Variants in ZC3H12B observed in about 807,000 individuals in gnomAD.
The protein encoded by ZC3H12B is probable ribonuclease ZC3H12B.
In ZC3H12B, 7 loss-of-function variants were observed where a neutral mutation model predicts 43.9. The ratio of observed to expected loss-of-function variants is 0.16; its 90% CI spans 0.09 to 0.30. The LOEUF is 0.30. Among genes scored for constraint, ZC3H12B ranks in the 10% least tolerant of loss-of-function variants. The pLI is 1.00. For synonymous variants in ZC3H12B, 222 were observed against 241.7 expected, an observed-to-expected ratio of 0.92 and a Z score of 0.76; for missense variants, 475 against 670.2, an observed-to-expected ratio of 0.71 and a Z score of 3.22.
At chrX:65,259,086 A>C in the ZC3H12B span, among the ~76,000 whole-genome samples, 1 of 112,299 alleles carries the variant, frequency 8.9e-6, no homozygotes, top group Non-Finnish European at 1.9e-5. Flanking sequence ...TGTGGAACTA[A>C]AACGAAGCTT....
intron 2 of ZC3H12B, among the ~76,000 whole-genome samples, chrX:65,371,188 T>G (rs1437356245): frequency 8.9e-6 from 1 of 112,306 alleles, no homozygotes; most frequent in Non-Finnish European, 1.9e-5. Context: ...TTGTGAATTA[T>G]AATACACATT....
intron 3 of ZC3H12B, chrX:65,470,484 G>A (rs2067895505): frequency 9.0e-6 from 1 of 110,923 alleles, no homozygotes; most frequent in African/African-American, 3.3e-5. Context: ...TGTGTGTGAG[G>A]ATGGGTTCTG....
At chrX:65,069,414 G>T in the ZC3H12B span, among the ~76,000 whole-genome samples, 1 of 109,181 alleles carries the variant, frequency 9.2e-6, no homozygotes, top group Admixed American at 1.0e-4. Flanking sequence ...CTTCGGTTCT[G>T]CTACTGAAGG....
chrX:65,066,241 T>G, the ZC3H12B span, among the ~76,000 whole-genome samples: 2 of 111,659 alleles, frequency 1.8e-5, no homozygotes, highest in Admixed American at 1.9e-4. Context: ...TTGGAATTTT[T>G]AGCATTTTTG....
At chrX:65,292,696 G>A in the ZC3H12B span, among the ~76,000 whole-genome samples, 1 of 110,681 alleles carries the variant, frequency 9.0e-6, no homozygotes, top group Non-Finnish European at 1.9e-5. Context: ...AATCAGTAAT[G>A]GAAAGAGGCC....
At chrX:65,297,893 A>T in the ZC3H12B span, among the ~76,000 whole-genome samples, 1 of 111,692 alleles carries the variant, frequency 9.0e-6, no homozygotes, top group South Asian at 3.7e-4. Context: ...AGATAAACTG[A>T]GGAAAGGACA....
At chrX:65,255,267 G>T in the ZC3H12B span, among the ~76,000 whole-genome samples, 1 of 111,260 alleles carries the variant, frequency 9.0e-6, no homozygotes, top group Non-Finnish European at 1.9e-5. Flanking sequence ...GCTTCTCCCA[G>T]GTCAAATTGA....
At chrX:65,307,443 G>A in the ZC3H12B span, among the ~76,000 whole-genome samples, 1 of 111,853 alleles carries the variant, frequency 8.9e-6, no homozygotes, top group Non-Finnish European at 1.9e-5. Context: ...ACAGATAAAT[G>A]AGCAATGGAA....
At chrX:65,299,046 G>A in the ZC3H12B span, among the ~76,000 whole-genome samples, 1 of 111,424 alleles carries the variant, frequency 9.0e-6, no homozygotes, top group Admixed American at 9.6e-5. Flanking sequence ...GGGGATTATG[G>A]GAATTATAAT....
chrX:65,090,494 C>G, the ZC3H12B span, among the ~76,000 whole-genome samples: 1 of 112,026 alleles, frequency 8.9e-6, no homozygotes. Flanking sequence ...TGCTGTTTAT[C>G]TAGGTTTCTT....
chrX:65,482,633 C>T (rs772057906), intron 3 of ZC3H12B, among the ~76,000 whole-genome samples: 10 of 112,055 alleles, frequency 8.9e-5, no homozygotes, highest in African/African-American at 3.2e-4. Flanking sequence ...GTGTCAAGCA[C>T]TAGAAATGTT....
chrX:65,274,123 C>T, the ZC3H12B span, among the ~76,000 whole-genome samples: 1 of 112,045 alleles, frequency 8.9e-6, no homozygotes, highest in Non-Finnish European at 1.9e-5. Context: ...AGGAGGGACT[C>T]CCCATTGTGG....
chrX:65,058,425 G>A, the ZC3H12B span, among the ~76,000 whole-genome samples: 1 of 112,125 alleles, frequency 8.9e-6, no homozygotes, highest in Admixed American at 9.5e-5. Context: ...CTGCCTGATA[G>A]TTCCTCTGGA....
the ZC3H12B span, among the ~76,000 whole-genome samples, chrX:65,229,013 C>T: frequency 9.0e-6 from 1 of 111,255 alleles, no homozygotes; most frequent in African/African-American, 3.3e-5. Context: ...TGACTTTCTT[C>T]ACAGAATTGG....
the ZC3H12B span, among the ~76,000 whole-genome samples, chrX:65,266,555 T>G: frequency 8.9e-6 from 1 of 111,877 alleles, no homozygotes; most frequent in Non-Finnish European, 1.9e-5. Context: ...AAAAGAGGCT[T>G]GAATAAATAA....
the ZC3H12B span, among the ~76,000 whole-genome samples, chrX:65,169,388 G>A: frequency 8.9e-6 from 1 of 111,776 alleles, no homozygotes; most frequent in African/African-American, 3.3e-5. Context: ...ATTGCACTGT[G>A]GTCTGAGAGA....
At chrX:65,187,670 T>A in the ZC3H12B span, among the ~76,000 whole-genome samples, 2 of 108,679 alleles carry the variant, frequency 1.8e-5, no homozygotes, top group African/African-American at 6.7e-5. Context: ...TTTTTTTTTT[T>A]ACTTTTTTCT....
intron 3 of ZC3H12B, among the ~76,000 whole-genome samples, chrX:65,406,515 T>C (rs2066823213): frequency 1.0e-5 from 1 of 95,307 alleles, no homozygotes; most frequent in East Asian, 3.4e-4. Context: ...CTCAACATAA[T>C]AAAAGCTATA....
At chrX:65,190,482 G>A in the ZC3H12B span, among the ~76,000 whole-genome samples, 2 of 110,180 alleles carry the variant, frequency 1.8e-5, no homozygotes, top group African/African-American at 3.3e-5. Flanking sequence ...CTTGAGGAGT[G>A]TTTTGTAGTT....
Sources: gnomAD v4.1 joint callset for allele counts (sites outside exome capture counted in the v4.1 genomes callset) on GRCh38, gnomAD v4.1.1 for gene constraint, MANE v1.5 for transcripts, NCBI Gene and HGNC (gene_info 2026-07-23, HGNC 2026-07-21) for gene names.